Variants in RSL1D1 observed in about 807,000 individuals in gnomAD.
RSL1D1 encodes ribosomal L1 domain-containing protein 1.
RSL1D1 carries 34 observed loss-of-function variants against 44.6 expected under a neutral mutation model. That is an observed-to-expected ratio of 0.76 (90% CI 0.58 to 1.02). RSL1D1 has a LOEUF of 1.02. RSL1D1 is among the 50% of genes least tolerant of loss of function. The pLI, the probability that RSL1D1 is intolerant of heterozygous loss-of-function variation, is 0.00. For synonymous variants in RSL1D1, 271 were observed against 207.4 expected, an observed-to-expected ratio of 1.31 and a Z score of -2.63; for missense variants, 767 against 568.1, an observed-to-expected ratio of 1.35 and a Z score of -3.56.
Position 11,841,940 on chromosome 16 carries a change from A to C in RSL1D1, c.696T>G (p.Ala232=), listed in dbSNP as rs537816458. The stretch of plus-strand genomic sequence containing the variant: ...ATTTTTCTGAAAGTCCTTTGGTGAC[A>C]GCAACAATGTTTTCAATGATGTGCT... The part of the protein sequence containing the change: ...QIEHIIENIV[A]VTKGLSEKLP... Residue 232 remains alanine, a synonymous_variant, in exon 6 of 9, where the codon GCT becomes GCG. Coordinates refer to ENST00000571133, the MANE Select transcript of RSL1D1 (RefSeq NM_015659.3). 86 of 1,613,978 alleles carry C rather than the reference A, an allele frequency of 5.3e-5. No homozygotes were observed. Among genetic ancestry groups the C allele is most frequent in the Non-Finnish European group, 7.0e-5 (83 of 1,179,992 alleles).
intron 2 of RSL1D1, chr16:11,849,492 A>C (rs1023330472): frequency 1.3e-5 from 2 of 152,192 alleles, no homozygotes; most frequent in African/African-American, 4.8e-5. Context: ...CAGAAAATAA[A>C]ATACAAGGGT....
At chr16:11,850,221 G>A (rs1393896258) in intron 2 of RSL1D1, 58 bp downstream of exon 2, 4 of 1,466,272 alleles carry the variant, frequency 2.7e-6, no homozygotes, top group African/African-American at 1.5e-5. Flanking sequence ...GCAATTGTTC[G>A]AGTTACAAAG....
At position 11,837,689 on chromosome 16, in the gene RSL1D1, T is replaced by C. The variant is rs974692587; in HGVS notation, c.*98A>G. ...TTAAAAAATCTTTTAAGTCCAGGCC[T>C]GACGTTTAGAGAAGGTTACAAAGGC... On this transcript the variant is annotated 3_prime_UTR_variant, in exon 9 of 9. Transcript: ENST00000571133. 8.9e-6 allele frequency: 10 copies of C among 1,126,128 alleles called. No homozygotes were observed. In the African/African-American group the frequency reaches 1.6e-4, roughly 18 times the overall value. The allele number at this position is 1,126,128 out of a possible 1,614,324, so 69.8% of individuals were successfully genotyped here.
chr16:11,843,148 T>C (rs1433354005), intron 5 of RSL1D1, among the ~76,000 whole-genome samples: 2 of 151,106 alleles, frequency 1.3e-5, no homozygotes, highest in Admixed American at 1.3e-4. Flanking sequence ...TTGGTCAGGC[T>C]GGTCTCAAAC....
intron 8 of RSL1D1, 145 bp downstream of exon 8, chr16:11,839,550 A>C: frequency 3.6e-6 from 4 of 1,120,582 alleles, no homozygotes; most frequent in Non-Finnish European, 4.8e-6. Flanking sequence ...AAAAAAAGGT[A>C]CAATAAATCA....
intron 5 of RSL1D1, among the ~76,000 whole-genome samples, chr16:11,842,315 G>A (rs2053768765): frequency 6.6e-6 from 1 of 150,866 alleles, no homozygotes; most frequent in African/African-American, 2.4e-5. Context: ...TGGGTAACAG[G>A]GAAAAACACA....
intron 7 of RSL1D1, 29 bp downstream of exon 7, chr16:11,841,666 A>G: frequency 6.3e-7 from 1 of 1,591,724 alleles, no homozygotes; most frequent in Non-Finnish European, 8.6e-7. Flanking sequence ...TTCATTATTC[A>G]TTCTGTAAGT....
intron 5 of RSL1D1, among the ~76,000 whole-genome samples, chr16:11,842,779 T>TG (rs1228208319): frequency 6.7e-6 from 1 of 149,488 alleles, no homozygotes; most frequent in Non-Finnish European, 1.5e-5. Flanking sequence ...TTTTTTGAGA[T>TG]GGAGTTTGCT....
chr16:11,839,701 T>C lies in RSL1D1; in HGVS notation c.1140A>G (p.Lys380=), dbSNP rs763566098. The change falls in exon 8 of 9, where the codon AAA becomes AAG. Residue 380 remains lysine (K), a synonymous_variant. Transcript: ENST00000571133. ...GTAAATATTAAAACAATACCTCTAC[T>C]TTTTCATTAGCTGGAGTCTTCTTTC... ...PIGKKTPANE[K]VEIQKHATGK... is the part of the protein sequence containing the mutation. 4 of 1,613,626 alleles carry C rather than the reference T, an allele frequency of 2.5e-6. No homozygotes were observed. The highest frequency in any genetic ancestry group is 2.5e-6 in the Non-Finnish European group (3 of 1,179,928).
At chr16:11,843,102 TTTTTTTTTTTTTAGTAGAGACGGGG>T (rs897548618) in intron 5 of RSL1D1, among the ~76,000 whole-genome samples, 6 of 151,148 alleles carry the variant, frequency 4.0e-5, no homozygotes, top group Admixed American at 1.3e-4. Flanking sequence ...TTTGTATTTT[TTTTTTTTTTTTTAGTAGAGACGGGG>T]TTTCTCCATG....
chr16:11,840,196 C>G (rs541669787), intron 7 of RSL1D1, among the ~76,000 whole-genome samples: 1 of 152,088 alleles, frequency 6.6e-6, no homozygotes, highest in Non-Finnish European at 1.5e-5. Flanking sequence ...AATTATATAC[C>G]GGCATTTCAG....
intron 5 of RSL1D1, among the ~76,000 whole-genome samples, chr16:11,843,181 T>A (rs7185589): frequency 1.3e-5 from 2 of 150,382 alleles, no homozygotes; most frequent in African/African-American, 2.5e-5. Flanking sequence ...GTGATCCGCC[T>A]GCCTCGGCCT....
chr16:11,846,578 C>T lies in RSL1D1; in HGVS notation c.558G>A (p.Leu186=). The T allele has an allele frequency of 6.2e-7, 1 of 1,609,500 alleles. No individual in the cohort carries two copies. Among genetic ancestry groups the T allele is most frequent in the East Asian group, 2.2e-5 (1 of 44,848 alleles). ...RKKVPVSVNL[L]SKNLSREIND... ...TGATCTCTCTTGATAAATTCTTGGA[C>T]AGAAGGTTTACAGATACTGGAACTC... Residue 186 remains leucine, a synonymous_variant, in exon 5 of 9, where the codon CTG becomes CTA. Transcript: ENST00000571133.
rs937124487 is a variant in RSL1D1, at chr16:11,834,229, T to C, written c.*3558A>G. On this transcript the variant is annotated 3_prime_UTR_variant, in exon 9 of 9. Coordinates refer to ENST00000571133, the MANE Select transcript of RSL1D1 (RefSeq NM_015659.3). ...TGATTCAACTTTATGATTTTTCAAC[T>C]TTTTGATGGTATAAAAGCGATACAT... 2 of 152,234 alleles carry C rather than the reference T, an allele frequency of 1.3e-5. No individual in the cohort carries two copies. Among genetic ancestry groups the C allele is most frequent in the East Asian group, 3.8e-4 (2 of 5,206 alleles). 9.4% of individuals were successfully genotyped at this position (152,234 alleles called of 1,614,324 possible).
intron 5 of RSL1D1, among the ~76,000 whole-genome samples, chr16:11,844,755 G>C (rs2053786408): frequency 6.6e-6 from 1 of 152,200 alleles, no homozygotes; most frequent in South Asian, 2.1e-4. Context: ...GTGGCCTACA[G>C]CTCTGCCTTA....
chr16:11,847,330 C>G (rs1447118605), intron 3 of RSL1D1, among the ~76,000 whole-genome samples: 2 of 151,928 alleles, frequency 1.3e-5, no homozygotes, highest in Non-Finnish European at 2.9e-5. Flanking sequence ...AGCCGAGGTC[C>G]TGCCATTGAA....
intron 5 of RSL1D1, among the ~76,000 whole-genome samples, chr16:11,843,205 G>T (rs1296106680): frequency 6.6e-6 from 1 of 151,650 alleles, no homozygotes; most frequent in Non-Finnish European, 1.5e-5. Flanking sequence ...AAAGTGCTGG[G>T]ATTACAGGCG....
chr16:11,850,406 C>A lies in RSL1D1; in HGVS notation c.118G>T (p.Val40Leu). 6.3e-7 allele frequency: 1 copy of A among 1,594,518 alleles called. No homozygotes were observed. Among genetic ancestry groups the A allele is most frequent in the Non-Finnish European group, 8.5e-7 (1 of 1,175,098 alleles). The change falls in exon 2 of 9, where the codon GTG becomes TTG. Residue 40 changes from valine to leucine, a missense_variant. Coordinates refer to ENST00000571133, the MANE Select transcript of RSL1D1 (RefSeq NM_015659.3). ...QLDKEQVRKA[V>L]DALLTHCKSR... ...TTGCAATGCGTCAAGAGAGCGTCCACTGCCTTTCTAACCTGCAAAGTGGAA... is the reference window on the plus strand; with the variant it reads ...TTGCAATGCGTCAAGAGAGCGTCCAATGCCTTTCTAACCTGCAAAGTGGAA...
rs559836353 is a variant in RSL1D1 at position 11,835,017 on chromosome 16, G to C, written c.*2770C>G. The C allele has an allele frequency of 3.3e-5, 5 of 152,294 alleles. No individual in the cohort carries two copies. Among genetic ancestry groups the C allele is most frequent in the Middle Eastern group, 3.4e-3 (1 of 294 alleles). 9.4% of individuals were successfully genotyped at this position (152,294 alleles called of 1,614,324 possible). ...TCTGAGCTACTTGGGAGGCTGAGGT[G>C]GGAAGATCGCCTTGAGCCCAGGAAA... On this transcript the variant is annotated 3_prime_UTR_variant, in exon 9 of 9. Transcript: ENST00000571133.
Sources: allele counts gnomAD v4.1 joint callset (sites outside exome capture counted in the v4.1 genomes callset), GRCh38; gene constraint gnomAD v4.1.1; transcripts MANE v1.5; gene names NCBI Gene and HGNC (gene_info 2026-07-23, HGNC 2026-07-21).